Variants in GFRA2 observed in about 807,000 individuals in gnomAD.
GFRA2 encodes GDNF family receptor alpha-2.
In GFRA2, 17 loss-of-function variants were observed where a neutral mutation model predicts 48.3. The observed-to-expected ratio is 0.35, with a 90% confidence interval of 0.24 to 0.53. The LOEUF (loss-of-function observed/expected upper bound fraction) is 0.53, where lower values mean the gene tolerates loss of function less well. Among genes scored for constraint, GFRA2 ranks in the 20% least tolerant of loss-of-function variants. GFRA2 has a pLI of 0.93. For missense variants in GFRA2, 660 were observed against 637.3 expected (o/e 1.04, Z -0.38); for synonymous variants, 305 against 257.2 (o/e 1.19, Z -1.78).
At chr8:21,739,226 G>C (rs1245102522) in intron 4 of GFRA2, among the ~76,000 whole-genome samples, 1 of 152,140 alleles carries the variant, frequency 6.6e-6, no homozygotes, top group South Asian at 2.1e-4. Context: ...TTGCTCATAA[G>C]TCAATGTCCT....
At position 21,797,986 on chromosome 8, in the gene GFRA2, C is replaced by T. The variant is rs1259103328; in HGVS notation, c.-36+7031G>A. ...CGAGCAGCTACAGTTCCCCCTCCTACTCCCCAGCAAAAGTCACCATAGTCA... is the reference window on the plus strand; with the variant it reads ...CGAGCAGCTACAGTTCCCCCTCCTATTCCCCAGCAAAAGTCACCATAGTCA... On this transcript the variant is annotated intron_variant, in intron 2 of 10. Coordinates refer to the GFRA2 transcript ENST00000517328. Among the ~76,000 whole-genome samples the T allele has an allele frequency of 2.6e-5, 4 of 152,276 alleles. No homozygotes were observed. The South Asian group carries it at 8.3e-4, about 32-fold the overall frequency.
chr8:21,731,082 C>T (rs1314679766), intron 4 of GFRA2, among the ~76,000 whole-genome samples: 2 of 152,060 alleles, frequency 1.3e-5, no homozygotes, highest in African/African-American at 4.8e-5. Flanking sequence ...CCATGTGATC[C>T]CCTCTTTCTG....
intron 2 of GFRA2, among the ~76,000 whole-genome samples, chr8:21,778,470 G>A (rs1806818021): frequency 1.3e-5 from 2 of 152,338 alleles, no homozygotes; most frequent in East Asian, 3.9e-4. Flanking sequence ...CCAGAGGAAA[G>A]GTCTCCCGAC....
At position 21,750,791 on chromosome 8, in the gene GFRA2, G is replaced by A. The variant is rs754314934; in HGVS notation, c.591C>T (p.Arg197=). The stretch of plus-strand genomic sequence containing the variant: ...GGCGCAGGGCCTTGTGGCACTTGCG[G>A]CGGTTGCAGCGCTCGGTGGGCGAGA... ...REISPTERCN[R]RKCHKALRQF... The change falls in exon 4 of 9, where the codon CGC becomes CGT. Residue 197 remains arginine (R), a synonymous_variant. Transcript: ENST00000524240. This position sits in a 1 kb window ranked among gnomAD's most constrained non-coding sequence, Gnocchi z 5.7. 3.7e-6 allele frequency: 6 copies of A among 1,614,052 alleles called. No individual in the cohort carries two copies. The highest frequency in any genetic ancestry group is 1.6e-4 in the Middle Eastern group (1 of 6,062).
chr8:21,759,112 C>T (rs1307867382), intron 3 of GFRA2, among the ~76,000 whole-genome samples: 3 of 152,118 alleles, frequency 2.0e-5, no homozygotes, highest in Admixed American at 6.5e-5. Flanking sequence ...TAAAAAAGGT[C>T]GGCCGCAGTG....
chr8:21,799,823 C>T (rs1327747175), intron 2 of GFRA2, among the ~76,000 whole-genome samples: 2 of 152,244 alleles, frequency 1.3e-5, no homozygotes, highest in East Asian at 3.9e-4. Flanking sequence ...CACAGGGCTC[C>T]CCCAACAAGA....
At chr8:21,714,156 A>G (rs949116092) in intron 4 of GFRA2, among the ~76,000 whole-genome samples, 2 of 150,328 alleles carry the variant, frequency 1.3e-5, no homozygotes, top group African/African-American at 4.9e-5. Context: ...CCTTCCCAAG[A>G]GCATACTTTC....
chr8:21,790,563 A>C (rs938671820), upstream of GFRA2, among the ~76,000 whole-genome samples: 11 of 152,206 alleles, frequency 7.2e-5, no homozygotes, highest in South Asian at 1.0e-3. Flanking sequence ...CCTTGGAAGC[A>C]CAGAGAGCGA....
chr8:21,693,704 C>T (rs1230171257), intron 8 of GFRA2, among the ~76,000 whole-genome samples: 1 of 28,938 alleles, frequency 3.5e-5, no homozygotes, highest in Non-Finnish European at 7.2e-5. Context: ...GGCTGAGGAC[C>T]TGCGTCCCAG....
At chr8:21,770,559 C>T (rs1323363272) in intron 3 of GFRA2, among the ~76,000 whole-genome samples, 1 of 152,132 alleles carries the variant, frequency 6.6e-6, no homozygotes, top group African/African-American at 2.4e-5. Context: ...CTCCATGATC[C>T]CTAAGTTCCC....
At chr8:21,734,772 G>A (rs1360681635) in intron 4 of GFRA2, among the ~76,000 whole-genome samples, 1 of 152,162 alleles carries the variant, frequency 6.6e-6, no homozygotes, top group African/African-American at 2.4e-5. Flanking sequence ...AGCTTCTTTC[G>A]TCTATCAGAT....
chr8:21,782,740 C>A lies in GFRA2; in HGVS notation c.200G>T (p.Arg67Leu), dbSNP rs1056671419. Residue 67 changes from arginine (R) to leucine (L), a missense_variant, in exon 2 of 9, where the codon CGC (arginine) becomes CTC (leucine). Arg to Leu is a moderately radical substitution (Grantham distance 102, BLOSUM62 -2). Coordinates refer to ENST00000524240, the MANE Select transcript of GFRA2 (RefSeq NM_001495.5). Reference sequence around the variant, plus strand: ...GTTGGCCAGCATGGTGTTGCGGTCGCGGCCTGCCAGGCACTGCCGCAGAGT... The same window carrying A: ...GTTGGCCAGCATGGTGTTGCGGTCGAGGCCTGCCAGGCACTGCCGCAGAGT... ...YRTLRQCLAG[R>L]DRNTMLANKE... The A allele has an allele frequency of 1.9e-6, 3 of 1,597,480 alleles. No individual in the cohort carries two copies.
intron 4 of GFRA2, among the ~76,000 whole-genome samples, chr8:21,732,616 C>A (rs1193111203): frequency 2.6e-5 from 4 of 152,244 alleles, no homozygotes; most frequent in Non-Finnish European, 5.9e-5. Context: ...ACAGATCAGC[C>A]TGGTCTGAGT....
chr8:21,720,539 A>G (rs1803544728), intron 4 of GFRA2, among the ~76,000 whole-genome samples: 1 of 152,004 alleles, frequency 6.6e-6, no homozygotes, highest in Admixed American at 6.6e-5. Flanking sequence ...CATCTTTGCC[A>G]CCCTGATCCC....
rs922408782 is a variant in GFRA2 at position 21,782,659 on chromosome 8, C to T, written c.281G>A (p.Arg94His). Residue 94 changes from arginine to histidine, a missense_variant, in exon 2 of 9, where the codon CGC (arginine) becomes CAC (histidine). Transcript: ENST00000524240. The part of the protein sequence containing the change: ...VLQESPLYDC[R>H]CKRGMKKELQ... The stretch of plus-strand genomic sequence containing the variant: ...CTCCTTCTTCATGCCCCGCTTGCAG[C>T]GGCAGTCGTACAGCGGGCTCTCCTG... The T allele has an allele frequency of 6.3e-6, 10 of 1,585,668 alleles. No homozygotes were observed. The highest frequency in any genetic ancestry group is 2.7e-5 in the African/African-American group (2 of 74,190).
At chr8:21,806,030 G>A (rs1455713090) in intron 1 of GFRA2, among the ~76,000 whole-genome samples, 4 of 152,140 alleles carry the variant, frequency 2.6e-5, no homozygotes, top group Admixed American at 6.5e-5. Flanking sequence ...TCTGGTAAAC[G>A]ACCTCTTGCT....
At chr8:21,756,288 A>C (rs1805565825) in intron 3 of GFRA2, among the ~76,000 whole-genome samples, 1 of 152,162 alleles carries the variant, frequency 6.6e-6, no homozygotes, top group African/African-American at 2.4e-5. Context: ...AAAACTTGGT[A>C]AATTTCCTAG....
At chr8:21,721,313 C>T (rs1279676291) in intron 4 of GFRA2, among the ~76,000 whole-genome samples, 1 of 152,178 alleles carries the variant, frequency 6.6e-6, no homozygotes, top group African/African-American at 2.4e-5. Context: ...AAAAGTGTCT[C>T]TGCTTTCTCT....
intron 4 of GFRA2, among the ~76,000 whole-genome samples, chr8:21,745,720 C>G (rs1804971936): frequency 1.3e-5 from 2 of 152,304 alleles, no homozygotes; most frequent in Non-Finnish European, 1.5e-5. Flanking sequence ...CAACGGGCAT[C>G]CATAGGACAA....
Sources: allele counts gnomAD v4.1 joint callset (sites outside exome capture counted in the v4.1 genomes callset), GRCh38; gene constraint gnomAD v4.1.1; non-coding constraint Gnocchi (gnomAD v3.1); transcripts MANE v1.5; gene names NCBI Gene and HGNC (gene_info 2026-07-23, HGNC 2026-07-21).